Variants in FBXL19 observed in about 807,000 individuals in gnomAD.
FBXL19 encodes F-box and leucine rich repeat protein 19, also known as F-box/LRR-repeat protein 19.
FBXL19 carries 16 observed loss-of-function variants against 71.2 expected under a neutral mutation model. That is an observed-to-expected ratio of 0.22 (90% confidence interval 0.15 to 0.34). The LOEUF (loss-of-function observed/expected upper bound fraction) is 0.34. Among genes scored for constraint, FBXL19 ranks in the 10% least tolerant of loss-of-function variants. FBXL19 has a pLI of 1.00. For missense variants in FBXL19, 658 were observed against 968.2 expected (o/e 0.68, Z 4.25); for synonymous variants, 447 against 409.4 (o/e 1.09, Z -1.11).
Position 30,942,278 on chromosome 16 carries a change from A to G in FBXL19, c.1464A>G (p.Gln488=). ...TCATGTGGCTTCTGAACCGACTACA[A>G]GGTAGGGTGTGTGGTACGGAGGACA... ...KQLMWLLNRL[Q]GLQELVLSGC... is the part of the protein sequence containing the mutation. Residue 488 remains glutamine (Q), a splice_region_variant and synonymous_variant, in exon 8 of 11, where the codon CAA becomes CAG. Coordinates refer to ENST00000338343, the MANE Select transcript of FBXL19 (RefSeq NM_001382779.1). This position sits in a 1 kb window ranked among gnomAD's most constrained non-coding sequence, Gnocchi z 5.7. The G allele has an allele frequency of 6.3e-7, 1 of 1,599,646 alleles. No homozygotes were observed. The highest frequency in any genetic ancestry group is 8.5e-7 in the Non-Finnish European group (1 of 1,172,688).
At position 30,925,276 on chromosome 16, in the gene FBXL19, T is replaced by C. The variant is rs2055577802; in HGVS notation, c.-24-455T>C. ...TCCGGAGCTTCCGTCTAGGAATCTCTGGGTATCTGGGAGGTGAATCTGGGC... is the reference window on the plus strand; with the variant it reads ...TCCGGAGCTTCCGTCTAGGAATCTCCGGGTATCTGGGAGGTGAATCTGGGC... On this transcript the variant is annotated intron_variant, in intron 1 of 10. Coordinates refer to ENST00000338343, the MANE Select transcript of FBXL19 (RefSeq NM_001382779.1). The surrounding 1 kb of genome is among the most constrained non-coding windows in gnomAD (Gnocchi z 5.0). 6.6e-6 allele frequency among the ~76,000 whole-genome samples: 1 copy of C among 151,968 alleles called. No homozygotes were observed. The highest frequency in any genetic ancestry group is 2.1e-4 in the South Asian group (1 of 4,822).
intron 7 of FBXL19, among the ~76,000 whole-genome samples, chr16:30,938,878 C>G (rs997097015): frequency 6.7e-6 from 1 of 149,568 alleles, no homozygotes; most frequent in African/African-American, 2.5e-5. Context: ...TCTCGTGATC[C>G]GCCTGCCTCG....
intron 9 of FBXL19, among the ~76,000 whole-genome samples, chr16:30,945,037 C>T (rs1013764050): frequency 6.6e-6 from 1 of 152,174 alleles, no homozygotes; most frequent in Admixed American, 6.6e-5. Flanking sequence ...CAAGGAAAAG[C>T]TCAGTATGTA....
chr16:30,937,661 C>T (rs11859093), intron 7 of FBXL19, among the ~76,000 whole-genome samples: 3,367 of 152,180 alleles, frequency 0.022, 142 homozygotes, highest in African/African-American at 0.078. Context: ...GCACTGGAGC[C>T]GAGCCACGAA....
rs2055607905 is a variant in FBXL19 at position 30,927,626 on chromosome 16, C to T, written c.375C>T (p.Cys125=). Residue 125 remains cysteine, a synonymous_variant, in exon 4 of 11, where the codon TGC becomes TGT. Transcript: ENST00000338343. ...INAEIPNCWE[C]PRCTQEGRTS... is the part of the protein sequence containing the mutation. ...CAGAGATCCCCAACTGCTGGGAGTG[C>T]CCTCGCTGCACCCAGGAAGGCCGCA... 6.4e-7 allele frequency: 1 copy of T among 1,564,956 alleles called. No homozygotes were observed. Among genetic ancestry groups the T allele is most frequent in the East Asian group, 2.4e-5 (1 of 41,860 alleles).
At chr16:30,923,063 T>C, upstream of FBXL19, 1 of 456,784 alleles carries the variant, frequency 2.2e-6, no homozygotes. Context: ...CCATCTTGCT[T>C]GTAGTCCTCT....
intron 7 of FBXL19, among the ~76,000 whole-genome samples, chr16:30,931,017 A>T (rs2055667138): frequency 6.6e-6 from 1 of 151,988 alleles, no homozygotes; most frequent in Non-Finnish European, 1.5e-5. Flanking sequence ...CAGTCTGACG[A>T]TTGGTTCCAT....
intron 5 of FBXL19, among the ~76,000 whole-genome samples, 183 bp downstream of exon 5, chr16:30,928,146 G>A (rs1194250372): frequency 6.6e-6 from 1 of 151,730 alleles, no homozygotes; most frequent in East Asian, 1.9e-4. Context: ...TGGAGGAGGG[G>A]GGGGACAGGT....
In FBXL19 at chr16:30,927,446, C is replaced by G; in HGVS notation, c.316C>G (p.Leu106Val). 3 of 1,588,440 alleles carry G rather than the reference C, an allele frequency of 1.9e-6. No individual in the cohort carries two copies. Among genetic ancestry groups the G allele is most frequent in the Non-Finnish European group, 2.6e-6 (3 of 1,167,466 alleles). Reference sequence around the variant, plus strand: ...CAACGAGATCGTCCACCCCGGCTGCCTGAAGGTGATGGCCCTGGGACCCCG... The same window carrying G: ...CAACGAGATCGTCCACCCCGGCTGCGTGAAGGTGATGGCCCTGGGACCCCG... ...ICNEIVHPGC[L>V]KMGKAEGVIN... Residue 106 changes from leucine to valine, a missense_variant, in exon 3 of 11, where the codon CTG (leucine) becomes GTG (valine). Leu to Val is a conservative substitution (Grantham distance 32). Coordinates refer to ENST00000338343, the MANE Select transcript of FBXL19 (RefSeq NM_001382779.1).
chr16:30,933,321 T>C (rs2055695994), intron 7 of FBXL19, among the ~76,000 whole-genome samples: 1 of 151,632 alleles, frequency 6.6e-6, no homozygotes, highest in East Asian at 1.9e-4. Context: ...GTATTTTTAG[T>C]AGAGACGGGG....
In FBXL19 at chr16:30,925,032, G is replaced by T. The variant is rs2055574117; in HGVS notation, c.-25+573G>T. ...AGGGTGTCCTGGAGGAGGGAACCCT[G>T]TGGGGAACAAGAGGGGCTGAGATCT... On this transcript the variant is annotated intron_variant, in intron 1 of 10. Coordinates refer to ENST00000338343, the MANE Select transcript of FBXL19 (RefSeq NM_001382779.1). The surrounding 1 kb of genome is among the most constrained non-coding windows in gnomAD (Gnocchi z 5.0). Among the ~76,000 whole-genome samples the T allele has an allele frequency of 6.6e-6, 1 of 152,200 alleles. No homozygotes were observed. The highest frequency in any genetic ancestry group is 6.5e-5 in the Admixed American group (1 of 15,280).
intron 9 of FBXL19, among the ~76,000 whole-genome samples, chr16:30,944,190 T>A (rs994824299): frequency 4.7e-5 from 7 of 149,506 alleles, no homozygotes; most frequent in African/African-American, 1.7e-4. Context: ...TTTTTTTTTT[T>A]TTTTTTAGTT....
chr16:30,928,173 G>A (rs555708803), intron 5 of FBXL19, among the ~76,000 whole-genome samples: 1 of 152,096 alleles, frequency 6.6e-6, no homozygotes, highest in South Asian at 2.1e-4. Flanking sequence ...AGCTGGCACT[G>A]CAGGAAGCTT....
chr16:30,931,463 T>C (rs1371277016), intron 7 of FBXL19, among the ~76,000 whole-genome samples: 1 of 152,202 alleles, frequency 6.6e-6, no homozygotes, highest in African/African-American at 2.4e-5. Context: ...TATCAGGCTC[T>C]TTCCCAGGGA....
At chr16:30,934,694 C>T (rs1008693986) in intron 7 of FBXL19, among the ~76,000 whole-genome samples, 3 of 151,432 alleles carry the variant, frequency 2.0e-5, no homozygotes, top group Non-Finnish European at 4.4e-5. Context: ...ACTTGACTAA[C>T]TGGCAGTGGG....
At chr16:30,923,452 A>T (rs1295591990), upstream of FBXL19, among the ~76,000 whole-genome samples, 1 of 149,392 alleles carries the variant, frequency 6.7e-6, no homozygotes, top group East Asian at 2.0e-4. Context: ...TCGTCCTGGA[A>T]AGTGGAGGTG....
chr16:30,943,365 TAA>T (rs2055822641), intron 9 of FBXL19, among the ~76,000 whole-genome samples: 1 of 115,732 alleles, frequency 8.6e-6, no homozygotes, highest in African/African-American at 3.1e-5. Context: ...AATTTTTTTG[TAA>T]TTTTTTTTTT....
chr16:30,933,463 T>G (rs2055697460), intron 7 of FBXL19, among the ~76,000 whole-genome samples: 1 of 151,754 alleles, frequency 6.6e-6, no homozygotes, highest in African/African-American at 2.4e-5. Flanking sequence ...TTTGTTTTTC[T>G]TTTTTAGAGA....
In FBXL19 at chr16:30,923,927, G is replaced by T. The variant is rs2055557417; in HGVS notation, c.-557G>T. ...CAGTCCAGGGGCGGGCCCAGGGGAG[G>T]GGGGCAGGTTACAGCGACCCCCCCC... On this transcript the variant is annotated 5_prime_UTR_variant, in exon 1 of 11. Coordinates refer to ENST00000338343, the MANE Select transcript of FBXL19 (RefSeq NM_001382779.1). Among the ~76,000 whole-genome samples, 1 of 151,080 alleles carries T rather than the reference G, an allele frequency of 6.6e-6. No individual in the cohort carries two copies. The highest frequency in any genetic ancestry group is 1.5e-5 in the Non-Finnish European group (1 of 67,464).
Sources: gnomAD v4.1 joint callset for allele counts (sites outside exome capture counted in the v4.1 genomes callset) on GRCh38, gnomAD v4.1.1 for gene constraint, Gnocchi (gnomAD v3.1) non-coding constraint, MANE v1.5 for transcripts, NCBI Gene and HGNC (gene_info 2026-07-23, HGNC 2026-07-21) for gene names.